YIPF4: variants seen among roughly 807,000 people sequenced by gnomAD.
YIPF4 encodes protein YIPF4.
Under a neutral mutation model 29.4 loss-of-function variants are expected in YIPF4, and 18 were observed. That is an observed-to-expected ratio of 0.61 (90% CI 0.42 to 0.91). The LOEUF is 0.91. Ranked by LOEUF, YIPF4 falls within the 40% of genes least tolerant of loss-of-function variation. YIPF4 has a pLI of 0.00. For missense variants in YIPF4, 279 were observed against 282.7 expected (o/e 0.99, Z 0.09); for synonymous variants, 115 against 104.7 (o/e 1.10, Z -0.60).
At position 32,306,656 on chromosome 2, in the gene YIPF4, C is replaced by A; in HGVS notation, c.*1030C>A. On this transcript the variant is annotated 3_prime_UTR_variant, in exon 6 of 6. Coordinates refer to ENST00000238831, the MANE Select transcript of YIPF4 (RefSeq NM_032312.4). The stretch of plus-strand genomic sequence containing the variant: ...CTCTCTAACAAATGTACAGTTTTTG[C>A]TAAGGGAAATATTAAGAAATTTTTA... The A allele has an allele frequency of 1.0e-6, 1 of 955,854 alleles. No individual in the cohort carries two copies. Among genetic ancestry groups the A allele is most frequent in the Non-Finnish European group, 1.2e-6 (1 of 803,192 alleles). The allele number at this position is 955,854 out of a possible 1,614,324, so 59.2% of individuals were successfully genotyped here. A position where few individuals can be genotyped will look rare whatever the true frequency, so the allele number is the denominator to read the frequency against.
intron 4 of YIPF4, among the ~76,000 whole-genome samples, chr2:32,300,266 CAAAAA>C (rs966480755): frequency 6.7e-6 from 1 of 148,952 alleles, no homozygotes; most frequent in Non-Finnish European, 1.5e-5. Flanking sequence ...AACTCCGTCT[CAAAAA>C]AAAGATAAAA....
intron 4 of YIPF4, among the ~76,000 whole-genome samples, chr2:32,299,052 AT>A (rs2031300710): frequency 6.6e-6 from 1 of 151,748 alleles, no homozygotes; most frequent in Admixed American, 6.6e-5. Flanking sequence ...TAATTTTTGT[AT>A]TTTTAGTAGA....
At chr2:32,300,619 A>T (rs1247370961) in intron 4 of YIPF4, among the ~76,000 whole-genome samples, 1 of 152,134 alleles carries the variant, frequency 6.6e-6, no homozygotes, top group East Asian at 1.9e-4. Flanking sequence ...TAGACACTTA[A>T]AGTATATTTG....
chr2:32,306,570 G>T lies in YIPF4; in HGVS notation c.*944G>T, dbSNP rs1025945203. ...AGAAAAAATAAAATACTTCCCAGTT[G>T]TGTGTTTTGTTTTACAGCACCATGT... On this transcript the variant is annotated 3_prime_UTR_variant, in exon 6 of 6. Transcript: ENST00000238831. 1 of 985,122 alleles carries T rather than the reference G, an allele frequency of 1.0e-6. No individual in the cohort carries two copies. Among genetic ancestry groups the T allele is most frequent in the Non-Finnish European group, 1.2e-6 (1 of 829,822 alleles). 61.0% of individuals were successfully genotyped at this position (985,122 alleles called of 1,614,324 possible).
At chr2:32,286,609 G>C (rs561629379) in intron 1 of YIPF4, among the ~76,000 whole-genome samples, 13 of 151,842 alleles carry the variant, frequency 8.6e-5, no homozygotes, top group Non-Finnish European at 1.6e-4. Context: ...GCAGTGGCGC[G>C]ATCTCAGCTC....
At chr2:32,300,212 G>A (rs2031349518) in intron 4 of YIPF4, among the ~76,000 whole-genome samples, 1 of 152,118 alleles carries the variant, frequency 6.6e-6, no homozygotes, top group East Asian at 1.9e-4. Context: ...GTTGTGGTGA[G>A]CCATGATCGC....
At chr2:32,282,062 GAAAAA>G (rs61157556) in intron 1 of YIPF4, among the ~76,000 whole-genome samples, 6 of 140,558 alleles carry the variant, frequency 4.3e-5, no homozygotes, top group African/African-American at 1.6e-4. Context: ...GACCCTGGCT[GAAAAA>G]AAAAAAGGAA....
intron 1 of YIPF4, among the ~76,000 whole-genome samples, chr2:32,287,042 C>A (rs556052685): frequency 1.1e-3 from 163 of 152,130 alleles, no homozygotes; most frequent in African/African-American, 3.7e-3. Context: ...GCCAGGAGTT[C>A]AGGACCAGAC....
chr2:32,278,959 T>C (rs950616779), intron 1 of YIPF4, among the ~76,000 whole-genome samples: 13 of 152,104 alleles, frequency 8.5e-5, no homozygotes, highest in Middle Eastern at 3.4e-3. Context: ...AACCTGGATA[T>C]TATTCTGCTA....
intron 4 of YIPF4, among the ~76,000 whole-genome samples, chr2:32,298,646 C>T (rs753907467): frequency 5.9e-5 from 9 of 152,050 alleles, no homozygotes; most frequent in African/African-American, 7.2e-5. Context: ...TTGCAGCCTC[C>T]GCCTCCCAGG....
Position 32,290,512 on chromosome 2 carries a change from G to A in YIPF4, c.109G>A (p.Val37Ile). ...DLSGSIASPD[V>I]KLNLGGDFIK... ...CAGTGGTTCAATAGCATCCCCAGAT[G>A]TCAAATTAAATCTTGGTGGAGATTT... Residue 37 changes from valine (V) to isoleucine (I), a missense_variant, in exon 2 of 6, where the codon GTC (valine) becomes ATC (isoleucine). Val to Ile is a conservative substitution (Grantham distance 29, BLOSUM62 3). Transcript: ENST00000238831. The A allele has an allele frequency of 1.3e-6, 2 of 1,574,542 alleles. No homozygotes were observed. Among genetic ancestry groups the A allele is most frequent in the Non-Finnish European group, 1.7e-6 (2 of 1,161,224 alleles).
intron 4 of YIPF4, 128 bp downstream of exon 4, chr2:32,298,439 A>G: frequency 1.6e-6 from 1 of 643,180 alleles, no homozygotes; most frequent in Admixed American, 3.0e-5. Context: ...AGTTCCTTTA[A>G]GATGATCAAC....
At chr2:32,289,376 A>C (rs2030818287) in intron 1 of YIPF4, among the ~76,000 whole-genome samples, 1 of 152,214 alleles carries the variant, frequency 6.6e-6, no homozygotes, top group Non-Finnish European at 1.5e-5. Context: ...GTATTGTGCA[A>C]ATTAAGCTCT....
chr2:32,292,644 C>T (rs1023828233), intron 3 of YIPF4, among the ~76,000 whole-genome samples: 9 of 151,858 alleles, frequency 5.9e-5, no homozygotes, highest in African/African-American at 1.2e-4. Flanking sequence ...GGGTGGATCA[C>T]GGGGTCAGGA....
intron 1 of YIPF4, among the ~76,000 whole-genome samples, chr2:32,283,141 T>C (rs2030507487): frequency 6.6e-6 from 1 of 151,918 alleles, no homozygotes. Flanking sequence ...CATTTACTAC[T>C]ATATCTGGCA....
intron 5 of YIPF4, among the ~76,000 whole-genome samples, chr2:32,304,966 TAATA>T (rs1450958480): frequency 6.6e-6 from 1 of 152,130 alleles, no homozygotes; most frequent in African/African-American, 2.4e-5. Flanking sequence ...GGAAAAAACT[TAATA>T]AATATTAAGA....
intron 3 of YIPF4, among the ~76,000 whole-genome samples, chr2:32,297,223 C>A (rs562961746): frequency 6.6e-6 from 1 of 152,124 alleles, no homozygotes; most frequent in Middle Eastern, 3.4e-3. Flanking sequence ...CTCCCAGGTT[C>A]AAGCGATTCT....
In YIPF4 at chr2:32,278,078, G is replaced by T; in HGVS notation, c.-78G>T. 3.0e-6 allele frequency: 4 copies of T among 1,319,830 alleles called. No individual in the cohort carries two copies. The highest frequency in any genetic ancestry group is 2.5e-5 in the Admixed American group (1 of 40,326). 81.8% of individuals were successfully genotyped at this position (1,319,830 alleles called of 1,614,324 possible). On this transcript the variant is annotated 5_prime_UTR_variant, in exon 1 of 6. Coordinates refer to ENST00000238831, the MANE Select transcript of YIPF4 (RefSeq NM_032312.4). ...GGCCGCACCGTAGGGCGAGCGTGCGGGTCGCCGCCGCGGCCGCCTCGGGGT... is the reference window on the plus strand; with the variant it reads ...GGCCGCACCGTAGGGCGAGCGTGCGTGTCGCCGCCGCGGCCGCCTCGGGGT...
intron 1 of YIPF4, among the ~76,000 whole-genome samples, chr2:32,284,681 T>C (rs2148958572): frequency 6.6e-6 from 1 of 152,274 alleles, no homozygotes; most frequent in African/African-American, 2.4e-5. Flanking sequence ...CTCAGGTAGT[T>C]CTTTAGAGCA....
Sources: allele counts gnomAD v4.1 joint callset (sites outside exome capture counted in the v4.1 genomes callset), GRCh38; gene constraint gnomAD v4.1.1; transcripts MANE v1.5; gene names NCBI Gene and HGNC (gene_info 2026-07-23, HGNC 2026-07-21).